Variants in NRG3 observed in about 807,000 individuals in gnomAD.
NRG3 encodes pro-neuregulin-3, membrane-bound isoform.
A neutral mutation model predicts 66.9 loss-of-function variants in NRG3; 31 were observed. The ratio of observed to expected loss-of-function variants is 0.46; its 90% CI spans 0.35 to 0.63. The LOEUF (loss-of-function observed/expected upper bound fraction) is 0.63. Ranked by LOEUF, NRG3 falls within the 20% of genes least tolerant of loss-of-function variation. The pLI, the probability that NRG3 is intolerant of heterozygous loss-of-function variation, is 0.00. For synonymous variants in NRG3, 393 were observed against 359.4 expected (o/e 1.09, Z -1.06); for missense variants, 910 against 878.9 (o/e 1.04, Z -0.45).
intron 2 of NRG3, among the ~76,000 whole-genome samples, chr10:82,575,996 T>C (rs890737647): frequency 7.2e-5 from 11 of 151,834 alleles, no homozygotes; most frequent in Middle Eastern, 3.4e-3. Context: ...TTCCACTACT[T>C]TGGAAGTGAC....
At chr10:82,246,887 T>G (rs1201195499) in intron 1 of NRG3, among the ~76,000 whole-genome samples, 1 of 152,120 alleles carries the variant, frequency 6.6e-6, no homozygotes, top group African/African-American at 2.4e-5. Flanking sequence ...TTTCCACTTC[T>G]CTAATATAGG....
chr10:82,640,313 T>C (rs1487528595), intron 2 of NRG3, among the ~76,000 whole-genome samples: 1 of 152,246 alleles, frequency 6.6e-6, no homozygotes, highest in Non-Finnish European at 1.5e-5. Flanking sequence ...ATATACACCA[T>C]GGAATACTAT....
intron 1 of NRG3, among the ~76,000 whole-genome samples, chr10:82,164,288 A>G (rs2071857286): frequency 6.6e-6 from 1 of 152,088 alleles, no homozygotes; most frequent in Non-Finnish European, 1.5e-5. Context: ...ACATGCATAG[A>G]ATGTGTAATG....
At chr10:82,032,417 T>C (rs986555625) in intron 1 of NRG3, among the ~76,000 whole-genome samples, 5 of 152,068 alleles carry the variant, frequency 3.3e-5, no homozygotes, top group African/African-American at 4.8e-5. Flanking sequence ...TTGTTTTTTC[T>C]AATGCTGCTT....
rs79579164 is a variant in NRG3 at position 82,015,337 on chromosome 10, G to A, written c.823+139174G>A. On this transcript the variant is annotated intron_variant, in intron 1 of 8. Coordinates refer to ENST00000372141, the MANE Select transcript of NRG3 (RefSeq NM_001010848.4). ...AGATTTTCCCACAAAGGATCTTAGT[G>A]AACTGATCATTCATACTTCAAAATA... Among the ~76,000 whole-genome samples, 34 of 152,258 alleles carry A rather than the reference G, an allele frequency of 2.2e-4. No homozygotes were observed. In the East Asian group the frequency reaches 6.6e-3, roughly 29 times the overall value.
chr10:81,996,619 T>G (rs1035370408), intron 1 of NRG3, among the ~76,000 whole-genome samples: 4 of 152,106 alleles, frequency 2.6e-5, no homozygotes, highest in African/African-American at 9.7e-5. Flanking sequence ...ATGTTTCTGA[T>G]TATTAGTGAT....
intron 2 of NRG3, among the ~76,000 whole-genome samples, chr10:82,638,709 C>T (rs928426535): frequency 1.5e-4 from 22 of 151,594 alleles, no homozygotes; most frequent in African/African-American, 3.9e-4. Flanking sequence ...TGCAGTGGTG[C>T]GATCTCAGCT....
intron 1 of NRG3, among the ~76,000 whole-genome samples, chr10:81,973,371 G>A (rs753575618): frequency 4.6e-5 from 7 of 152,118 alleles, no homozygotes; most frequent in Non-Finnish European, 1.0e-4. Context: ...ATGAACATAT[G>A]CATACATATG....
intron 1 of NRG3, among the ~76,000 whole-genome samples, chr10:81,931,712 C>T (rs1847366272): frequency 2.6e-5 from 4 of 152,204 alleles, no homozygotes; most frequent in African/African-American, 9.6e-5. Context: ...TCAGATGAAC[C>T]TCATCGTTCC....
At chr10:82,938,474 T>C (rs1331483259) in intron 4 of NRG3, among the ~76,000 whole-genome samples, 2 of 152,224 alleles carry the variant, frequency 1.3e-5, no homozygotes, top group African/African-American at 2.4e-5. Flanking sequence ...TAGTTACAAC[T>C]TAAGCCTGGG....
intron 2 of NRG3, among the ~76,000 whole-genome samples, chr10:82,418,341 G>A (rs1482699305): frequency 1.3e-5 from 2 of 150,026 alleles, no homozygotes; most frequent in Admixed American, 6.6e-5. Context: ...TGTAAATGTG[G>A]AAAAGTTGAT....
chr10:82,132,179 T>C (rs943952380), intron 1 of NRG3, among the ~76,000 whole-genome samples: 13 of 151,910 alleles, frequency 8.6e-5, no homozygotes, highest in Admixed American at 6.6e-5. Context: ...GTCTGTCATA[T>C]ATGACTTTTA....
intron 1 of NRG3, among the ~76,000 whole-genome samples, chr10:82,176,890 C>G (rs2073072685): frequency 6.6e-6 from 1 of 151,038 alleles, no homozygotes; most frequent in Admixed American, 6.6e-5. Context: ...GACACACACA[C>G]ACACACACAC....
intron 2 of NRG3, among the ~76,000 whole-genome samples, chr10:82,414,609 G>A (rs763704765): frequency 6.6e-6 from 1 of 152,096 alleles, no homozygotes; most frequent in African/African-American, 2.4e-5. Context: ...TCTGCAAATT[G>A]CAATCAAGTG....
chr10:82,869,150 G>T (rs1184570821), intron 4 of NRG3, among the ~76,000 whole-genome samples: 1 of 152,188 alleles, frequency 6.6e-6, no homozygotes, highest in Non-Finnish European at 1.5e-5. Context: ...GTTTATTGTT[G>T]TGCCAACAAT....
At chr10:82,623,380 C>T (rs2049176464) in intron 2 of NRG3, among the ~76,000 whole-genome samples, 1 of 152,128 alleles carries the variant, frequency 6.6e-6, no homozygotes, top group Admixed American at 6.6e-5. Context: ...CTACTTCTCC[C>T]AGAACTACTT....
chr10:82,703,361 T>A (rs547173577), intron 2 of NRG3, among the ~76,000 whole-genome samples: 198 of 152,256 alleles, frequency 1.3e-3, no homozygotes, highest in Admixed American at 2.5e-3. Context: ...GTTTTATCTA[T>A]TTATTTCCAA....
At chr10:82,960,467 T>C (rs1850530018) in intron 6 of NRG3, among the ~76,000 whole-genome samples, 2 of 150,222 alleles carry the variant, frequency 1.3e-5, no homozygotes, top group Non-Finnish European at 1.5e-5. Context: ...GGCTGGATTT[T>C]TTTTTTTTTT....
intron 2 of NRG3, among the ~76,000 whole-genome samples, chr10:82,652,371 G>A (rs1373353991): frequency 6.6e-6 from 1 of 152,120 alleles, no homozygotes; most frequent in African/African-American, 2.4e-5. Flanking sequence ...TAAATGAGGG[G>A]GATTTTATTG....
Sources: allele counts gnomAD v4.1 joint callset (sites outside exome capture counted in the v4.1 genomes callset), GRCh38; gene constraint gnomAD v4.1.1; transcripts MANE v1.5; gene names NCBI Gene and HGNC (gene_info 2026-07-23, HGNC 2026-07-21).